The following MEGF8 variants were observed in gnomAD, a reference collection of about 807,000 sequenced individuals.
The protein encoded by MEGF8 is multiple EGF like domains 8.
In MEGF8, 156 loss-of-function variants were observed where a neutral mutation model predicts 302.9. That is an observed-to-expected ratio of 0.52 (90% CI 0.45 to 0.59). MEGF8 has a LOEUF of 0.59. Ranked by LOEUF, MEGF8 falls within the 20% of genes least tolerant of loss-of-function variation. MEGF8 has a pLI of 0.00. For synonymous variants in MEGF8, 1,621 were observed against 1,660.5 expected (o/e 0.98, Z 0.58); for missense variants, 3,345 against 3,964.5 (o/e 0.84, Z 4.20).
Position 42,326,240 on chromosome 19 carries a change from G to T in MEGF8, c.-4G>T. 6.6e-7 allele frequency: 1 copy of T among 1,524,716 alleles called. No homozygotes were observed. Among genetic ancestry groups the T allele is most frequent in the Non-Finnish European group, 8.7e-7 (1 of 1,146,350 alleles). The allele number at this position is 1,524,716 out of a possible 1,614,324, so 94.4% of individuals were successfully genotyped here. A position where few individuals can be genotyped will look rare whatever the true frequency, so the allele number is the denominator to read the frequency against. The stretch of plus-strand genomic sequence containing the variant: ...CGCTCTAAGGGTCAGTGCAGGAGGC[G>T]GCGATGGCCCTGGGCAAGGTTCTGG... On this transcript the variant is annotated 5_prime_UTR_variant, in exon 1 of 42. Coordinates refer to ENST00000251268, the MANE Select transcript of MEGF8 (RefSeq NM_001271938.2).
At position 42,361,017 on chromosome 19, in the gene MEGF8, C is replaced by T. The variant is rs754140460; in HGVS notation, c.5720+11C>T. The T allele has an allele frequency of 3.7e-5, 56 of 1,534,016 alleles. 1 individual carries two copies. In the Admixed American group the frequency reaches 7.3e-4, roughly 20 times the overall value. On this transcript the variant is annotated intron_variant, in intron 32 of 41. Transcript: ENST00000251268. ...GGATCAGGCCCACAGGTAACCATGGCGACCATGACAGGCAGTGGGGAGTGG... is the reference window on the plus strand; with the variant it reads ...GGATCAGGCCCACAGGTAACCATGGTGACCATGACAGGCAGTGGGGAGTGG...
rs758007485 is a variant in MEGF8, at chr19:42,371,397, C to T, written c.7184C>T (p.Thr2395Met). The stretch of plus-strand genomic sequence containing the variant: ...GACACATGTAACGAGCAGGATGGGA[C>T]GGGCTGTCCATGTCAGAATAACACA... ...HADTCNEQDG[T>M]GCPCQNNTET... The change falls in exon 41 of 42, where the codon ACG becomes ATG. Residue 2395 changes from threonine (T) to methionine (M), a missense_variant. Physicochemically the swap from Thr to Met is moderately conservative, Grantham distance 81. Transcript: ENST00000251268. The T allele has an allele frequency of 2.0e-5, 33 of 1,613,828 alleles. No individual in the cohort carries two copies. The highest frequency in any genetic ancestry group is 6.7e-5 in the Admixed American group (4 of 60,000).
At chr19:42,329,457 G>GAGGGAGGAGGCTGGGACCAACT (rs1368862828) in intron 1 of MEGF8, among the ~76,000 whole-genome samples, 39 of 152,250 alleles carry the variant, frequency 2.6e-4, no homozygotes, top group African/African-American at 8.7e-4. Context: ...TAGATGTTGG[G>GAGGGAGGAGGCTGGGACCAACT]GTGAGGGAGG....
At chr19:42,329,752 G>A (rs1409480295) in intron 1 of MEGF8, among the ~76,000 whole-genome samples, 5 of 151,814 alleles carry the variant, frequency 3.3e-5, no homozygotes, top group Non-Finnish European at 7.4e-5. Flanking sequence ...TGTGCCTATA[G>A]CTCCAGCTAC....
At chr19:42,360,013 A>G (rs1402856934) in intron 31 of MEGF8, among the ~76,000 whole-genome samples, 3 of 151,948 alleles carry the variant, frequency 2.0e-5, no homozygotes, top group African/African-American at 7.3e-5. Context: ...TTCAGTAGAC[A>G]GAGACTACTT....
intron 40 of MEGF8, 46 bp from the exon 41 acceptor site, chr19:42,371,304 C>G: frequency 6.2e-7 from 1 of 1,605,544 alleles, no homozygotes; most frequent in Non-Finnish European, 8.5e-7. Flanking sequence ...CCATCCTGGA[C>G]CACTGCAGGC....
chr19:42,367,010 C>T (rs1444729508), intron 35 of MEGF8, among the ~76,000 whole-genome samples: 1 of 152,216 alleles, frequency 6.6e-6, no homozygotes, highest in South Asian at 2.1e-4. Context: ...GTTGCTTTGC[C>T]TTTTCCTAAG....
At chr19:42,335,428 T>G (rs1294330328) in intron 5 of MEGF8, 43 bp downstream of exon 5, 7 of 1,594,222 alleles carry the variant, frequency 4.4e-6, no homozygotes, top group Non-Finnish European at 1.7e-6. Context: ...TTCCACTCAA[T>G]CAGACCCAGC....
intron 1 of MEGF8, among the ~76,000 whole-genome samples, chr19:42,331,242 G>A (rs1384400903): frequency 3.3e-5 from 5 of 152,214 alleles, no homozygotes; most frequent in Non-Finnish European, 7.3e-5. Context: ...GGCTCAGAGA[G>A]CCCATGGAAC....
intron 9 of MEGF8, 141 bp from the exon 10 acceptor site, chr19:42,343,813 G>A (rs921177792): frequency 7.3e-7 from 1 of 1,373,434 alleles, no homozygotes; most frequent in African/African-American, 1.5e-5. Flanking sequence ...TGGGCCTGGG[G>A]GAGGAATGGA....
chr19:42,368,775 G>GGGA lies in MEGF8; in HGVS notation c.6482-65_6482-63dup, dbSNP rs1450614780. ...GAGGTGGGGCTCAGAGGAGGCAGGA[G>GGGA]GGAGGGCCTAGGCAACTGGGGCAGG... is the stretch of plus-strand genomic sequence containing the variant. On this transcript the variant is annotated intron_variant, in intron 36 of 41. Coordinates refer to ENST00000251268, the MANE Select transcript of MEGF8 (RefSeq NM_001271938.2). This position sits in a 1 kb window ranked among gnomAD's most constrained non-coding sequence, Gnocchi z 4.9. 1.2e-5 allele frequency: 19 copies of GGGA among 1,574,140 alleles called. No homozygotes were observed. In the South Asian group the frequency reaches 2.1e-4, roughly 18 times the overall value.
chr19:42,376,764 A>T lies in MEGF8; in HGVS notation c.8527A>T (p.Met2843Leu). 1.4e-6 allele frequency: 2 copies of T among 1,452,848 alleles called. No homozygotes were observed. Among genetic ancestry groups the T allele is most frequent in the Non-Finnish European group, 1.8e-6 (2 of 1,104,406 alleles). 90.0% of individuals were successfully genotyped at this position (1,452,848 alleles called of 1,614,324 possible). A position where few individuals can be genotyped will look rare whatever the true frequency, so the allele number is the denominator to read the frequency against. The change falls in exon 42 of 42, where the codon ATG (methionine) becomes TTG (leucine). Residue 2843 changes from methionine to leucine, a missense_variant. Physicochemically the swap from Met to Leu is conservative, Grantham distance 15. Transcript: ENST00000251268. The surrounding 1 kb of genome is among the most constrained non-coding windows in gnomAD (Gnocchi z 8.2). ...GLLSQDNLTSMSL is the reference protein window; with the variant it reads ...GLLSQDNLTSLSL ...GTTGAGCCAGGACAACCTCACCAGC[A>T]TGTCCCTCTGACATGCCCAGGGTTC...
intron 1 of MEGF8, among the ~76,000 whole-genome samples, chr19:42,327,330 G>T (rs1240701681): frequency 6.6e-6 from 1 of 152,222 alleles, no homozygotes; most frequent in Non-Finnish European, 1.5e-5. Flanking sequence ...TTGGAGTCTA[G>T]TTGGGGAGAC....
At chr19:42,374,019 G>T (rs2039730352) in intron 41 of MEGF8, among the ~76,000 whole-genome samples, 1 of 152,134 alleles carries the variant, frequency 6.6e-6, no homozygotes, top group Non-Finnish European at 1.5e-5. Flanking sequence ...GTTTTCTCTT[G>T]GTTCTAATAG....
chr19:42,378,097 C>G lies in MEGF8; in HGVS notation c.*1322C>G, dbSNP rs765049885. The G allele has an allele frequency of 7.2e-5, 11 of 152,246 alleles. No homozygotes were observed. Among genetic ancestry groups the G allele is most frequent in the Non-Finnish European group, 1.5e-4 (10 of 68,026 alleles). 9.4% of individuals were successfully genotyped at this position (152,246 alleles called of 1,614,324 possible). ...CTGGTTCTTGACATGAGATGCCCTT[C>G]AGACATCTCTTCACTCAGGTCCAAC... is the stretch of plus-strand genomic sequence containing the variant. On this transcript the variant is annotated 3_prime_UTR_variant, in exon 42 of 42. Coordinates refer to ENST00000251268, the MANE Select transcript of MEGF8 (RefSeq NM_001271938.2).
chr19:42,339,695 A>G (rs1030273485), intron 8 of MEGF8, among the ~76,000 whole-genome samples: 5 of 152,132 alleles, frequency 3.3e-5, no homozygotes, highest in African/African-American at 9.7e-5. Flanking sequence ...TTTAGCAGTA[A>G]CTTTTTCAAG....
rs1425347955 is a variant in MEGF8 at position 42,325,817 on chromosome 19, G to C, written c.-427G>C. On this transcript the variant is annotated 5_prime_UTR_variant, in exon 1 of 42. Coordinates refer to ENST00000251268, the MANE Select transcript of MEGF8 (RefSeq NM_001271938.2). ...ATCCGAACCTAGCCTGTCCCGGCCC[G>C]CAGCCTCTATGGAGGCTCCTGCCGG... 6.1e-6 allele frequency: 1 copy of C among 163,068 alleles called. No individual in the cohort carries two copies. Among genetic ancestry groups the C allele is most frequent in the Admixed American group, 6.4e-5 (1 of 15,538 alleles). The allele number at this position is 163,068 out of a possible 1,614,324, so 10.1% of individuals were successfully genotyped here. A position where few individuals can be genotyped will look rare whatever the true frequency, so the allele number is the denominator to read the frequency against.
chr19:42,351,687 C>A lies in MEGF8; in HGVS notation c.3027C>A (p.Phe1009Leu). 1 of 1,592,116 alleles carries A rather than the reference C, an allele frequency of 6.3e-7. No homozygotes were observed. ...CACGGTGCCGGAGCTGCGATGGCTT[C>A]CTGACCTGCCATGAGTGTCTGCAGA... ...SEPRCRSCDG[F>L]LTCHECLQSH... is the part of the protein sequence containing the mutation. The change falls in exon 18 of 42, where the codon TTC becomes TTA. Residue 1009 changes from phenylalanine to leucine, a missense_variant. Phe to Leu is a conservative substitution (Grantham distance 22). Transcript: ENST00000251268. This position sits in a 1 kb window ranked among gnomAD's most constrained non-coding sequence, Gnocchi z 5.6.
At position 42,376,233 on chromosome 19, in the gene MEGF8, T is replaced by A; in HGVS notation, c.7996T>A (p.Cys2666Ser). Residue 2666 changes from cysteine (C) to serine (S), a missense_variant, in exon 42 of 42, where the codon TGT becomes AGT. Cys to Ser is a moderately radical substitution (Grantham distance 112). Coordinates refer to ENST00000251268, the MANE Select transcript of MEGF8 (RefSeq NM_001271938.2). The surrounding 1 kb of genome is among the most constrained non-coding windows in gnomAD (Gnocchi z 8.2). ...CTGCTTCTTCCTCTTCCTCTCACTCTGTGTGCTCCTCTGGAAGGCCAAGCA... is the reference window on the plus strand; with the variant it reads ...CTGCTTCTTCCTCTTCCTCTCACTCAGTGTGCTCCTCTGGAAGGCCAAGCA... ...FSCFFLFLSLCVLLWKAKQAL... is the reference protein window; with the variant it reads ...FSCFFLFLSLSVLLWKAKQAL... 5.0e-6 allele frequency: 8 copies of A among 1,605,868 alleles called. No homozygotes were observed. Among genetic ancestry groups the A allele is most frequent in the Non-Finnish European group, 6.8e-6 (8 of 1,176,368 alleles).
Sources: allele counts gnomAD v4.1 joint callset (sites outside exome capture counted in the v4.1 genomes callset), GRCh38; gene constraint gnomAD v4.1.1; non-coding constraint Gnocchi (gnomAD v3.1); transcripts MANE v1.5; gene names NCBI Gene and HGNC (gene_info 2026-07-23, HGNC 2026-07-21).